Variants in HPSE2 observed in about 807,000 individuals in gnomAD.
The protein encoded by HPSE2 is heparanase 2 (inactive).
Under a neutral mutation model 60.5 loss-of-function variants are expected in HPSE2, and 38 were observed. The ratio of observed to expected loss-of-function variants is 0.63; its 90% confidence interval spans 0.48 to 0.82. The LOEUF is 0.82. Ranked by LOEUF, HPSE2 falls within the 40% of genes least tolerant of loss-of-function variation. The pLI is 0.00. For missense variants in HPSE2, 713 were observed against 740.4 expected (o/e 0.96, Z 0.43); for synonymous variants, 295 against 293.2 (o/e 1.01, Z -0.06).
chr10:99,120,017 C>T (rs1323042143), intron 3 of HPSE2, among the ~76,000 whole-genome samples: 3 of 152,158 alleles, frequency 2.0e-5, no homozygotes, highest in Non-Finnish European at 4.4e-5. Context: ...GCAGTACCAT[C>T]CTGGACATAG....
intron 3 of HPSE2, among the ~76,000 whole-genome samples, chr10:98,885,996 C>T (rs142939185): frequency 3.3e-5 from 5 of 152,136 alleles, no homozygotes; most frequent in African/African-American, 1.2e-4. Context: ...CTCTTAGTAT[C>T]CATATTATCT....
At chr10:99,192,188 A>C (rs1157935678) in intron 2 of HPSE2, among the ~76,000 whole-genome samples, 2 of 152,200 alleles carry the variant, frequency 1.3e-5, no homozygotes, top group Non-Finnish European at 2.9e-5. Context: ...GTTTATCCAA[A>C]GGGATAATAT....
In HPSE2 at chr10:98,991,097, AT is replaced by A. The variant is rs554576226; in HGVS notation, c.610+153140del. ...GCCTTCATCTATCAAATGGCTACCCATTTTTTAAAAATGTCTACTTCATCCA... is the reference window on the plus strand; with the variant it reads ...GCCTTCATCTATCAAATGGCTACCCATTTTTAAAAATGTCTACTTCATCCA... On this transcript the variant is annotated intron_variant, in intron 3 of 11. Coordinates refer to ENST00000370552, the MANE Select transcript of HPSE2 (RefSeq NM_021828.5). Among the ~76,000 whole-genome samples, 301 of 152,316 alleles carry A rather than the reference AT, an allele frequency of 2.0e-3. 1 individual carries two copies. The highest frequency in any genetic ancestry group is 7.0e-3 in the African/African-American group (290 of 41,570).
chr10:98,918,134 C>A (rs1443873929), intron 3 of HPSE2, among the ~76,000 whole-genome samples: 1 of 152,174 alleles, frequency 6.6e-6, no homozygotes, highest in Non-Finnish European at 1.5e-5. Flanking sequence ...AAGATAAAAG[C>A]ATCAACAATA....
chr10:98,936,822 T>C (rs1469915759), intron 3 of HPSE2, among the ~76,000 whole-genome samples: 1 of 139,914 alleles, frequency 7.1e-6, no homozygotes, highest in Non-Finnish European at 1.5e-5. Context: ...CCCCTAAAAA[T>C]ACAAAAATTA....
intron 3 of HPSE2, among the ~76,000 whole-genome samples, chr10:99,036,191 G>A (rs1393905171): frequency 6.6e-6 from 1 of 151,894 alleles, no homozygotes; most frequent in Non-Finnish European, 1.5e-5. Flanking sequence ...CTCCAGCCTG[G>A]GTGACAGGGC....
chr10:98,534,147 A>T (rs1361162850), intron 9 of HPSE2, among the ~76,000 whole-genome samples: 1 of 152,230 alleles, frequency 6.6e-6, no homozygotes, highest in Non-Finnish European at 1.5e-5. Context: ...AATGGGTGGC[A>T]TCTGCTCTGA....
intron 4 of HPSE2, among the ~76,000 whole-genome samples, chr10:98,728,631 G>A (rs11528125): frequency 0.038 from 5,763 of 151,998 alleles, 239 homozygotes; most frequent in East Asian, 0.17. Context: ...ACAAACAAAC[G>A]AACAAACCTA....
intron 2 of HPSE2, among the ~76,000 whole-genome samples, chr10:99,226,149 G>A (rs1467812251): frequency 5.9e-5 from 9 of 151,784 alleles, no homozygotes; most frequent in African/African-American, 1.2e-4. Context: ...AAATATATAC[G>A]AGGATTTGCC....
At chr10:98,522,650 G>C (rs1277785904) in intron 9 of HPSE2, among the ~76,000 whole-genome samples, 1 of 152,014 alleles carries the variant, frequency 6.6e-6, no homozygotes, top group East Asian at 1.9e-4. Context: ...AATTTTTTTG[G>C]ATTTTTTAGT....
chr10:99,239,611 G>A (rs1002362830), upstream of HPSE2, among the ~76,000 whole-genome samples: 1 of 151,456 alleles, frequency 6.6e-6, no homozygotes, highest in Non-Finnish European at 1.5e-5. Flanking sequence ...TTGTATTTTA[G>A]TAGAGACGGG....
chr10:99,288,748 CAAAAAAAA>C, the HPSE2 span, among the ~76,000 whole-genome samples: 1 of 75,792 alleles, frequency 1.3e-5, no homozygotes, highest in East Asian at 4.6e-4. Context: ...CAGCCTCAAG[CAAAAAAAA>C]AAAAAAAAAA....
At chr10:99,162,362 G>A (rs1404817440) in intron 2 of HPSE2, among the ~76,000 whole-genome samples, 2 of 152,162 alleles carry the variant, frequency 1.3e-5, no homozygotes, top group East Asian at 3.9e-4. Flanking sequence ...CAGATTATAT[G>A]AGATTGCATA....
chr10:99,126,704 C>A lies in HPSE2; in HGVS notation c.610+17534G>T, dbSNP rs1217308434. On this transcript the variant is annotated intron_variant, in intron 3 of 11. Coordinates refer to ENST00000370552, the MANE Select transcript of HPSE2 (RefSeq NM_021828.5). This position sits in a 1 kb window ranked among gnomAD's most constrained non-coding sequence, Gnocchi z 4.0. ...AATCCATCATTCAAGAAAGCCAGCA[C>A]ACTAAACATAGCTACAACTAAGGAC... 6.6e-6 allele frequency among the ~76,000 whole-genome samples: 1 copy of A among 152,168 alleles called. No individual in the cohort carries two copies. The highest frequency in any genetic ancestry group is 1.5e-5 in the Non-Finnish European group (1 of 68,024).
At chr10:99,288,359 A>G in the HPSE2 span, among the ~76,000 whole-genome samples, 1 of 152,230 alleles carries the variant, frequency 6.6e-6, no homozygotes, top group East Asian at 1.9e-4. Context: ...ATTTATGTAC[A>G]TGATACAAAA....
chr10:98,817,726 T>C (rs1161499254), intron 3 of HPSE2, among the ~76,000 whole-genome samples: 2 of 152,288 alleles, frequency 1.3e-5, no homozygotes, highest in East Asian at 3.9e-4. Flanking sequence ...GTTAAAACTG[T>C]TCAAATTCAC....
intron 11 of HPSE2, among the ~76,000 whole-genome samples, chr10:98,478,775 A>G (rs560668714): frequency 6.7e-4 from 102 of 152,312 alleles, no homozygotes; most frequent in South Asian, 1.7e-3. Context: ...TCCCTGAAGA[A>G]TATGTATTCC....
At chr10:99,064,620 T>C (rs1331027974) in intron 3 of HPSE2, among the ~76,000 whole-genome samples, 1 of 151,404 alleles carries the variant, frequency 6.6e-6, no homozygotes, top group Non-Finnish European at 1.5e-5. Flanking sequence ...TATATATATA[T>C]ATATCTCCCG....
At chr10:99,121,020 G>T (rs1033996051) in intron 3 of HPSE2, among the ~76,000 whole-genome samples, 3 of 152,136 alleles carry the variant, frequency 2.0e-5, no homozygotes, top group Non-Finnish European at 4.4e-5. Context: ...GTTCATTGCA[G>T]CACTATTTAC....
Sources: allele counts gnomAD v4.1 joint callset (sites outside exome capture counted in the v4.1 genomes callset), GRCh38; gene constraint gnomAD v4.1.1; non-coding constraint Gnocchi (gnomAD v3.1); transcripts MANE v1.5; gene names NCBI Gene and HGNC (gene_info 2026-07-23, HGNC 2026-07-21).